The following TPH1 variants were observed in gnomAD, a reference collection of about 807,000 sequenced individuals.
TPH1 encodes the protein tryptophan 5-hydroxylase 1.
In TPH1, 37 loss-of-function variants were observed where a neutral mutation model predicts 49.5. That is an observed-to-expected ratio of 0.75 (90% CI 0.58 to 0.98). The LOEUF (loss-of-function observed/expected upper bound fraction) is 0.98, where lower values mean the gene tolerates loss of function less well. TPH1 is among the 50% of genes least tolerant of loss of function. TPH1 has a pLI of 0.00. For synonymous variants in TPH1, 160 were observed against 182.1 expected, an observed-to-expected ratio of 0.88 and a Z score of 0.98; for missense variants, 487 against 523.6, an observed-to-expected ratio of 0.93 and a Z score of 0.68.
At chr11:18,043,400 T>A (rs1278886188) in intron 1 of TPH1, among the ~76,000 whole-genome samples, 1 of 151,844 alleles carries the variant, frequency 6.6e-6, no homozygotes, top group Non-Finnish European at 1.5e-5. Context: ...AGGTCAGGAG[T>A]TGAAGACCAG....
chr11:18,034,408 G>A lies in TPH1; in HGVS notation c.302-1034C>T, dbSNP rs557520800. Among the ~76,000 whole-genome samples the A allele has an allele frequency of 2.0e-5, 3 of 152,202 alleles. No homozygotes were observed. The East Asian group carries it at 5.8e-4, about 29-fold the overall frequency. On this transcript the variant is annotated intron_variant, in intron 3 of 10. Coordinates refer to ENST00000682019, the MANE Select transcript of TPH1 (RefSeq NM_004179.3). ...AGGGATTTAACAACAAATACAAAAG[G>A]AGCAGTAATCACTCAAAATAGACAT... is the stretch of plus-strand genomic sequence containing the variant.
chr11:18,022,418 T>C (rs569695750), intron 10 of TPH1, among the ~76,000 whole-genome samples: 2 of 152,346 alleles, frequency 1.3e-5, no homozygotes, highest in African/African-American at 4.8e-5. Flanking sequence ...GGTTACCCTG[T>C]TTGTCCACCT....
In TPH1 at chr11:18,029,159, T is replaced by A. The variant is rs1375224069; in HGVS notation, c.667+6A>T. The A allele has an allele frequency of 5.0e-6, 8 of 1,598,952 alleles. No individual in the cohort carries two copies. In the African/African-American group the frequency reaches 8.0e-5, roughly 16 times the overall value. ...CTCCCTTACAAAAAATTAATTAGCT[T>A]ATTACCTTTTAAAAAGTTGGAGACA... On this transcript the variant is annotated splice_donor_region_variant and intron_variant, in intron 6 of 10. Transcript: ENST00000682019.
intron 2 of TPH1, among the ~76,000 whole-genome samples, chr11:18,039,316 T>A (rs1848076423): frequency 6.6e-6 from 1 of 152,138 alleles, no homozygotes; most frequent in Non-Finnish European, 1.5e-5. Context: ...AATGACCCTA[T>A]GAGGTAGGTA....
rs758605106 is a variant in TPH1, at chr11:18,033,283, T to G, written c.393A>C (p.Ala131=). The stretch of plus-strand genomic sequence containing the variant: ...AAAAGAAAATACTTACAGGATGGTC[T>G]GCATCTAGTTCAGATCCATACATCA... ...RVLMYGSELD[A]DHPGFKDNVY... The change falls in exon 4 of 11, where the codon GCA becomes GCC. Residue 131 remains alanine (A), a synonymous_variant. Transcript: ENST00000682019. The G allele has an allele frequency of 1.2e-6, 2 of 1,612,798 alleles. No homozygotes were observed. The highest frequency in any genetic ancestry group is 2.2e-5 in the East Asian group (1 of 44,864).
Position 18,029,959 on chromosome 11 carries a change from T to C in TPH1, c.403-380A>G, listed in dbSNP as rs556130773. On this transcript the variant is annotated intron_variant, in intron 4 of 10. Transcript: ENST00000682019. ...ATTTACCTGTAATAGTAATTAATAA[T>C]AAAAAGTAATTAATATTTGAAATAG... 3.9e-5 allele frequency among the ~76,000 whole-genome samples: 6 copies of C among 152,282 alleles called. No homozygotes were observed. The South Asian group carries it at 1.2e-3, about 32-fold the overall frequency.
chr11:18,042,717 T>C (rs1848109489), intron 1 of TPH1, among the ~76,000 whole-genome samples: 1 of 152,218 alleles, frequency 6.6e-6, no homozygotes, highest in African/African-American at 2.4e-5. Flanking sequence ...ATGGGGAATA[T>C]GTCCCAAATT....
intron 2 of TPH1, among the ~76,000 whole-genome samples, chr11:18,037,773 G>A (rs1254336520): frequency 6.6e-6 from 1 of 152,200 alleles, no homozygotes; most frequent in East Asian, 1.9e-4. Flanking sequence ...TAAAGTAGAA[G>A]TAGTAAGTGA....
intron 1 of TPH1, among the ~76,000 whole-genome samples, chr11:18,043,376 G>A (rs1848114959): frequency 6.6e-6 from 1 of 152,150 alleles, no homozygotes; most frequent in South Asian, 2.1e-4. Flanking sequence ...AAGCCAAAGT[G>A]GGTGGATCAC....
At chr11:18,045,634 C>T (rs6486403) in intron 1 of TPH1, among the ~76,000 whole-genome samples, 60,911 of 152,008 alleles carry the variant, frequency 0.4, 12,456 homozygotes, top group Middle Eastern at 0.47. Context: ...TGAGTTCACA[C>T]GGACTCTTAA....
At chr11:18,030,733 C>T (rs538467275) in intron 4 of TPH1, among the ~76,000 whole-genome samples, 2 of 152,196 alleles carry the variant, frequency 1.3e-5, no homozygotes, top group South Asian at 2.1e-4. Context: ...TGATGACTCT[C>T]GAGCTAAGAC....
chr11:18,021,989 T>G (rs1481063107), intron 10 of TPH1, among the ~76,000 whole-genome samples: 1 of 152,202 alleles, frequency 6.6e-6, no homozygotes, highest in Non-Finnish European at 1.5e-5. Flanking sequence ...GCTAGTATTA[T>G]TATTTGGTTT....
chr11:18,027,810 A>G (rs1313027498), intron 6 of TPH1, among the ~76,000 whole-genome samples: 6 of 152,186 alleles, frequency 3.9e-5, no homozygotes, highest in Admixed American at 3.3e-4. Flanking sequence ...CTTAATCACT[A>G]TTTCTCAAAA....
intron 2 of TPH1, among the ~76,000 whole-genome samples, chr11:18,039,030 C>A (rs1363888880): frequency 6.6e-6 from 1 of 151,984 alleles, no homozygotes; most frequent in Non-Finnish European, 1.5e-5. Flanking sequence ...AAACTCACCA[C>A]CAAAAAAACT....
intron 7 of TPH1, 28 bp downstream of exon 7, chr11:18,026,462 A>G (rs561653404): frequency 1.9e-6 from 3 of 1,604,814 alleles, no homozygotes; most frequent in Non-Finnish European, 2.6e-6. Flanking sequence ...CCATTTGATG[A>G]ATTCCTGGCT....
chr11:18,036,782 T>C (rs963332073), intron 2 of TPH1, among the ~76,000 whole-genome samples: 9 of 152,164 alleles, frequency 5.9e-5, no homozygotes, highest in Non-Finnish European at 1.2e-4. Context: ...CCTATAGTTT[T>C]TTCATCTAAA....
chr11:18,020,800 C>T lies in TPH1; in HGVS notation c.*191G>A. On this transcript the variant is annotated 3_prime_UTR_variant, in exon 11 of 11. Transcript: ENST00000682019. ...AAAAAAAAAAAGAAATAAAACTAAA[C>T]AAAAAAATAAGTGGTAAATAGAATA... The T allele has an allele frequency of 1.1e-5, 6 of 547,080 alleles. No individual in the cohort carries two copies. The highest frequency in any genetic ancestry group is 1.9e-5 in the Non-Finnish European group (6 of 310,724). The allele number at this position is 547,080 out of a possible 1,614,324, so 33.9% of individuals were successfully genotyped here.
intron 2 of TPH1, among the ~76,000 whole-genome samples, chr11:18,038,604 G>A (rs11575890): frequency 0.19 from 29,147 of 152,154 alleles, 3,352 homozygotes; most frequent in Non-Finnish European, 0.26. Context: ...ACAAATCAAC[G>A]ATGATAGTGT....
At chr11:18,042,145 C>T (rs1848103583) in intron 1 of TPH1, among the ~76,000 whole-genome samples, 1 of 152,108 alleles carries the variant, frequency 6.6e-6, no homozygotes, top group South Asian at 2.1e-4. Context: ...GCTTCTAGCC[C>T]ATCCATGAGT....
Sources: gnomAD v4.1 joint callset for allele counts (sites outside exome capture counted in the v4.1 genomes callset) on GRCh38, gnomAD v4.1.1 for gene constraint, MANE v1.5 for transcripts, NCBI Gene and HGNC (gene_info 2026-07-23, HGNC 2026-07-21) for gene names.